FREM2: variants seen among roughly 807,000 people sequenced by gnomAD.
FREM2 encodes FRAS1-related extracellular matrix protein 2.
FREM2 carries 119 observed loss-of-function variants against 219.9 expected under a neutral mutation model. The observed-to-expected ratio is 0.54, with a 90% CI of 0.47 to 0.63. FREM2 has a LOEUF of 0.63. Ranked by LOEUF, FREM2 falls within the 30% of genes least tolerant of loss-of-function variation. FREM2 has a pLI of 0.00. For missense variants in FREM2, 4,030 were observed against 3,993.6 expected (o/e 1.01, Z -0.25); for synonymous variants, 1,562 against 1,522.8 (o/e 1.03, Z -0.60).
chr13:38,692,906 C>G (rs1248696527), intron 1 of FREM2, among the ~76,000 whole-genome samples: 1 of 152,180 alleles, frequency 6.6e-6, no homozygotes, highest in Non-Finnish European at 1.5e-5. Flanking sequence ...GATGTGCTTT[C>G]TAAATACTGT....
chr13:38,810,386 TTTCATGTGC>T, intron 6 of FREM2, among the ~76,000 whole-genome samples: 1 of 152,254 alleles, frequency 6.6e-6, no homozygotes, highest in South Asian at 2.1e-4. Context: ...TGGACATCCT[TTTCATGTGC>T]CAGATCTCAG....
Position 38,859,442 on chromosome 13 carries a change from C to A in FREM2, c.7371C>A (p.Thr2457=). ...CTATGAGAGAAGTGGACTTCGACAC[C>A]TTTTTTACGTCATCCAAGATGGTCA... The part of the protein sequence containing the change: ...TSPMREVDFD[T]FFTSSKMVTL... Residue 2457 remains threonine, a synonymous_variant, in exon 14 of 24, where the codon ACC becomes ACA. Transcript: ENST00000280481. The A allele has an allele frequency of 1.2e-6, 2 of 1,614,100 alleles. No individual in the cohort carries two copies. The highest frequency in any genetic ancestry group is 1.7e-6 in the Non-Finnish European group (2 of 1,179,998).
rs146340760 is a variant in FREM2 at position 38,726,030 on chromosome 13, T to C, written c.5263+28243T>C. Among the ~76,000 whole-genome samples, 958 of 152,212 alleles carry C rather than the reference T, an allele frequency of 6.3e-3. 10 individuals are homozygous for C. The highest frequency in any genetic ancestry group is 0.022 in the African/African-American group (898 of 41,530). ...TCAGGACAAATTGCCATTGAAAAGA[T>C]GTTTGTTACTCAGAGTTCCCATGAG... On this transcript the variant is annotated intron_variant, in intron 2 of 23. Coordinates refer to ENST00000280481, the MANE Select transcript of FREM2 (RefSeq NM_207361.6).
At chr13:38,816,055 G>C (rs545308316) in intron 6 of FREM2, among the ~76,000 whole-genome samples, 1 of 152,234 alleles carries the variant, frequency 6.6e-6, no homozygotes, top group African/African-American at 2.4e-5. Flanking sequence ...ATCTGAGCAG[G>C]TCAGTAATGA....
intron 6 of FREM2, among the ~76,000 whole-genome samples, chr13:38,797,874 A>G (rs1874856381): frequency 6.6e-6 from 1 of 152,104 alleles, no homozygotes; most frequent in Non-Finnish European, 1.5e-5. Context: ...AGCCAGCAAC[A>G]TTAGTCTTTG....
Position 38,802,884 on chromosome 13 carries a change from G to A in FREM2, c.6019+18076G>A, listed in dbSNP as rs530783139. 2.6e-5 allele frequency among the ~76,000 whole-genome samples: 4 copies of A among 152,222 alleles called. No homozygotes were observed. In the South Asian group the frequency reaches 6.2e-4, roughly 24 times the overall value. On this transcript the variant is annotated intron_variant, in intron 6 of 23. Coordinates refer to ENST00000280481, the MANE Select transcript of FREM2 (RefSeq NM_207361.6). ...TTGTAGAGGGAATATGGAGCCCTGG[G>A]GGTCTGTCACTTACCCTTTCCGCAC...
intron 6 of FREM2, among the ~76,000 whole-genome samples, chr13:38,834,124 CCATCATCT>C (rs999821325): frequency 7.2e-5 from 11 of 152,068 alleles, no homozygotes; most frequent in Admixed American, 2.0e-4. Flanking sequence ...ACCCATCAAC[CCATCATCT>C]ACATTAGGTA....
At chr13:38,793,681 A>G (rs1420017996) in intron 6 of FREM2, among the ~76,000 whole-genome samples, 1 of 152,240 alleles carries the variant, frequency 6.6e-6, no homozygotes, top group Non-Finnish European at 1.5e-5. Context: ...TCTGGCTGCA[A>G]TGCAAAGAAA....
At chr13:38,841,472 G>A (rs1876961812) in intron 6 of FREM2, among the ~76,000 whole-genome samples, 2 of 152,136 alleles carry the variant, frequency 1.3e-5, no homozygotes, top group Middle Eastern at 3.4e-3. Context: ...TTGGAGATGA[G>A]GCCCTAGCGT....
In FREM2 at chr13:38,814,871, A is replaced by G. The variant is rs558534097; in HGVS notation, c.6019+30063A>G. Among the ~76,000 whole-genome samples the G allele has an allele frequency of 2.5e-3, 387 of 152,282 alleles. 1 individual carries two copies. Among genetic ancestry groups the G allele is most frequent in the African/African-American group, 8.8e-3 (365 of 41,566 alleles). Reference sequence around the variant, plus strand: ...CCACCACTGATCCATGGGGGGCTCTACTAGGCCACCACCAATGTTGGCATA... The same window carrying G: ...CCACCACTGATCCATGGGGGGCTCTGCTAGGCCACCACCAATGTTGGCATA... On this transcript the variant is annotated intron_variant, in intron 6 of 23. Coordinates refer to ENST00000280481, the MANE Select transcript of FREM2 (RefSeq NM_207361.6).
At chr13:38,879,094 T>A (rs1231385133) in intron 23 of FREM2, 117 bp downstream of exon 23, 1 of 981,792 alleles carries the variant, frequency 1.0e-6, no homozygotes, top group Non-Finnish European at 1.6e-6. Flanking sequence ...TTGCATACAG[T>A]TAATGGGAAC....
intron 2 of FREM2, among the ~76,000 whole-genome samples, chr13:38,740,191 T>G (rs1229001060): frequency 1.3e-5 from 2 of 152,212 alleles, no homozygotes; most frequent in Admixed American, 6.5e-5. Context: ...AAACAAGTAA[T>G]TGTAATGTAA....
At chr13:38,801,659 T>A (rs1875013281) in intron 6 of FREM2, among the ~76,000 whole-genome samples, 1 of 152,196 alleles carries the variant, frequency 6.6e-6, no homozygotes, top group African/African-American at 2.4e-5. Context: ...TAGTAGAAGC[T>A]GTGCTGAAGA....
intron 6 of FREM2, among the ~76,000 whole-genome samples, chr13:38,837,383 A>G (rs1324627323): frequency 2.6e-5 from 4 of 152,110 alleles, no homozygotes; most frequent in Admixed American, 6.6e-5. Flanking sequence ...TTTGGAATAC[A>G]TGCTATGTGG....
intron 6 of FREM2, among the ~76,000 whole-genome samples, chr13:38,824,370 A>G (rs1308539131): frequency 1.3e-5 from 2 of 152,064 alleles, no homozygotes; most frequent in Non-Finnish European, 2.9e-5. Flanking sequence ...CTCTGCCCCA[A>G]TTTCCTCATA....
intron 4 of FREM2, among the ~76,000 whole-genome samples, chr13:38,777,933 C>T (rs1873941642): frequency 6.6e-6 from 1 of 152,194 alleles, no homozygotes; most frequent in African/African-American, 2.4e-5. Context: ...GAGCGAAGGG[C>T]ACAGCCCAGA....
chr13:38,714,157 A>T (rs1050982939), intron 2 of FREM2, among the ~76,000 whole-genome samples: 13 of 152,248 alleles, frequency 8.5e-5, no homozygotes, highest in Non-Finnish European at 1.3e-4. Context: ...AGTGTAAAGC[A>T]CCGTGCCATG....
At chr13:38,775,712 C>A (rs1040416520) in intron 4 of FREM2, among the ~76,000 whole-genome samples, 1 of 152,150 alleles carries the variant, frequency 6.6e-6, no homozygotes, top group Non-Finnish European at 1.5e-5. Context: ...CTCCGCCTCC[C>A]CATTAAAGTG....
Position 38,886,648 on chromosome 13 carries a change from T to G in FREM2, c.*5861T>G, listed in dbSNP as rs1754172269. 6.6e-6 allele frequency: 1 copy of G among 152,198 alleles called. No homozygotes were observed. The highest frequency in any genetic ancestry group is 6.5e-5 in the Admixed American group (1 of 15,274). 9.4% of individuals were successfully genotyped at this position (152,198 alleles called of 1,614,324 possible). On this transcript the variant is annotated 3_prime_UTR_variant, in exon 24 of 24. Transcript: ENST00000280481. ...CCCAACCTCAGATGATCCTCCCGCC[T>G]CCACCTCCCAAAGTACTGGAATTAC... is the stretch of plus-strand genomic sequence containing the variant.
Sources: allele counts gnomAD v4.1 joint callset (sites outside exome capture counted in the v4.1 genomes callset), GRCh38; gene constraint gnomAD v4.1.1; transcripts MANE v1.5; gene names NCBI Gene and HGNC (gene_info 2026-07-23, HGNC 2026-07-21).